MAN2B2: variants seen among roughly 807,000 people sequenced by gnomAD.
The protein encoded by MAN2B2 is mannosidase alpha class 2B member 2, also known as epididymis-specific alpha-mannosidase.
In MAN2B2, 106 loss-of-function variants were observed where a neutral mutation model predicts 117.1. That is an observed-to-expected ratio of 0.90 (90% CI 0.77 to 1.06). The LOEUF (loss-of-function observed/expected upper bound fraction) is 1.06, where lower values mean the gene tolerates loss of function less well. MAN2B2 is among the 50% of genes least tolerant of loss of function. The probability of loss-of-function intolerance (pLI) is 0.00; values close to 1 mark genes in which losing one functional copy is unlikely to be tolerated. For missense variants in MAN2B2, 1,326 were observed against 1,381.4 expected (o/e 0.96, Z 0.64); for synonymous variants, 544 against 595.1 (o/e 0.91, Z 1.25).
At chr4:6,613,819 AGG>A (rs1711711446) in intron 15 of MAN2B2, among the ~76,000 whole-genome samples, 1 of 129,708 alleles carries the variant, frequency 7.7e-6, no homozygotes, top group Non-Finnish European at 1.6e-5. Flanking sequence ...GGAGGAAGGA[AGG>A]AAGGAAGGAA....
chr4:6,582,290 G>T (rs934212054), intron 3 of MAN2B2, among the ~76,000 whole-genome samples: 1 of 152,100 alleles, frequency 6.6e-6, no homozygotes, highest in African/African-American at 2.4e-5. Context: ...ACCTTCTCTT[G>T]TCTCTCTGAC....
At chr4:6,587,201 C>T (rs895665790) in intron 4 of MAN2B2, 33 bp downstream of exon 4, 6 of 1,598,866 alleles carry the variant, frequency 3.8e-6, no homozygotes, top group Middle Eastern at 3.7e-4. Flanking sequence ...TGCCGCCCAG[C>T]GACCGCTCCT....
chr4:6,608,431 C>G (rs986077008), intron 11 of MAN2B2, among the ~76,000 whole-genome samples: 7 of 152,206 alleles, frequency 4.6e-5, no homozygotes, highest in Non-Finnish European at 8.8e-5. Context: ...CACTTGTGCA[C>G]TTGGTTAGGC....
chr4:6,601,287 C>T (rs1026225617), intron 10 of MAN2B2, among the ~76,000 whole-genome samples: 3 of 152,260 alleles, frequency 2.0e-5, no homozygotes, highest in Middle Eastern at 3.4e-3. Flanking sequence ...GTGGATCACC[C>T]GAGGTCAGGA....
chr4:6,608,724 A>G (rs1181411068), intron 11 of MAN2B2, among the ~76,000 whole-genome samples: 1 of 152,162 alleles, frequency 6.6e-6, no homozygotes, highest in Non-Finnish European at 1.5e-5. Context: ...GGCCCATGAC[A>G]TGGGGTCTGT....
intron 7 of MAN2B2, among the ~76,000 whole-genome samples, chr4:6,596,341 G>A (rs542425632): frequency 6.6e-6 from 1 of 152,264 alleles, no homozygotes; most frequent in East Asian, 1.9e-4. Context: ...ACAGGGTGTG[G>A]CCTGTCCCCT....
chr4:6,616,598 A>C (rs181376981), intron 16 of MAN2B2, among the ~76,000 whole-genome samples: 66 of 152,304 alleles, frequency 4.3e-4, no homozygotes, highest in African/African-American at 1.6e-3. Flanking sequence ...TCTGCCGGGA[A>C]GTACTGCGTC....
In MAN2B2 at chr4:6,622,991, G is replaced by C. The variant is rs1712237295; in HGVS notation, c.*1706G>C. The C allele has an allele frequency of 6.6e-6, 1 of 152,158 alleles. No homozygotes were observed. The highest frequency in any genetic ancestry group is 2.4e-5 in the African/African-American group (1 of 40,962). The allele number at this position is 152,158 out of a possible 1,614,324, so 9.4% of individuals were successfully genotyped here. A position where few individuals can be genotyped will look rare whatever the true frequency, so the allele number is the denominator to read the frequency against. Reference sequence around the variant, plus strand: ...CCAGAGGCATGGATGTGCAGTGGGAGGTTGAGGCACAAGGAGTGAGGCAGG... The same window carrying C: ...CCAGAGGCATGGATGTGCAGTGGGACGTTGAGGCACAAGGAGTGAGGCAGG... On this transcript the variant is annotated 3_prime_UTR_variant, in exon 19 of 19. Coordinates refer to ENST00000285599, the MANE Select transcript of MAN2B2 (RefSeq NM_015274.3).
chr4:6,590,687 G>C (rs1449539155), intron 5 of MAN2B2, among the ~76,000 whole-genome samples: 1 of 152,216 alleles, frequency 6.6e-6, no homozygotes, highest in African/African-American at 2.4e-5. Flanking sequence ...GGCTGCAGGT[G>C]CAGGGATAGG....
intron 3 of MAN2B2, among the ~76,000 whole-genome samples, chr4:6,580,190 C>G (rs1726373234): frequency 6.6e-6 from 1 of 152,214 alleles, no homozygotes; most frequent in Non-Finnish European, 1.5e-5. Flanking sequence ...CCTAGACTTG[C>G]CCTTCCATGA....
intron 16 of MAN2B2, 34 bp downstream of exon 16, chr4:6,614,389 C>T (rs767078711): frequency 1.7e-5 from 28 of 1,605,224 alleles, no homozygotes; most frequent in Middle Eastern, 3.7e-4. Context: ...CAGACCTGCT[C>T]CTCCCTCCCT....
chr4:6,617,413 G>A lies in MAN2B2; in HGVS notation c.2735G>A (p.Arg912His), dbSNP rs765870314. 145 of 1,614,044 alleles carry A rather than the reference G, an allele frequency of 9.0e-5. 2 individuals carry two copies. In the Middle Eastern group the frequency reaches 1.5e-3, roughly 16 times the overall value. ...GGGGAAGCCCAGGCTGACCTCCGCC[G>A]TGTCCTGCTGCGGCTCTACCACCTA... ...HRGEAQADLR[R>H]VLLRLYHLYE... Residue 912 changes from arginine to histidine, a missense_variant, in exon 17 of 19, where the codon CGT becomes CAT. Transcript: ENST00000285599.
chr4:6,594,632 G>T lies in MAN2B2; in HGVS notation c.957G>T (p.Ser319=). 1 of 1,613,662 alleles carries T rather than the reference G, an allele frequency of 6.2e-7. No individual in the cohort carries two copies. The part of the protein sequence containing the change: ...INSHAAELGV[S]VQYATLGDYF... Reference sequence around the variant, plus strand: ...GCCATGCTGCCGAGCTCGGTGTCTCGGTGCAGTATGCCACGCTGGGCGACT... The same window carrying T: ...GCCATGCTGCCGAGCTCGGTGTCTCTGTGCAGTATGCCACGCTGGGCGACT... Residue 319 remains serine, a synonymous_variant, in exon 7 of 19, where the codon TCG becomes TCT. Transcript: ENST00000285599.
At chr4:6,576,175 G>A (rs1726051505) in intron 1 of MAN2B2, among the ~76,000 whole-genome samples, 1 of 152,148 alleles carries the variant, frequency 6.6e-6, no homozygotes, top group African/African-American at 2.4e-5. Context: ...AGCCCCAGCA[G>A]GCCCCTTTGG....
chr4:6,589,189 A>G, intron 5 of MAN2B2, 29 bp downstream of exon 5: 2 of 1,542,272 alleles, frequency 1.3e-6, no homozygotes, highest in Non-Finnish European at 1.8e-6. Flanking sequence ...TGCCTTTGGG[A>G]TCTCAGACAG....
intron 15 of MAN2B2, 101 bp downstream of exon 15, chr4:6,611,379 C>A: frequency 7.7e-7 from 1 of 1,298,326 alleles, no homozygotes; most frequent in Non-Finnish European, 1.0e-6. Context: ...CTCTGGGCAG[C>A]TTTTGGGCAG....
intron 6 of MAN2B2, 44 bp downstream of exon 6, chr4:6,593,394 G>T: frequency 6.4e-7 from 1 of 1,570,330 alleles, no homozygotes; most frequent in South Asian, 1.2e-5. Flanking sequence ...ACAGCCCAAG[G>T]AGCACTATGC....
intron 5 of MAN2B2, among the ~76,000 whole-genome samples, chr4:6,590,476 CG>C (rs952171800): frequency 6.6e-6 from 1 of 152,194 alleles, no homozygotes; most frequent in African/African-American, 2.4e-5. Context: ...CTTCTGCTCT[CG>C]CCTCGCCTGT....
intron 5 of MAN2B2, 26 bp downstream of exon 5, chr4:6,589,186 G>A: frequency 1.3e-6 from 2 of 1,557,532 alleles, no homozygotes; most frequent in Middle Eastern, 3.3e-4. Context: ...CAGTGCCTTT[G>A]GGATCTCAGA....
Sources: allele counts gnomAD v4.1 joint callset (sites outside exome capture counted in the v4.1 genomes callset), GRCh38; gene constraint gnomAD v4.1.1; transcripts MANE v1.5; gene names NCBI Gene and HGNC (gene_info 2026-07-23, HGNC 2026-07-21).